CACNA2D3: variants seen among roughly 807,000 people sequenced by gnomAD.
CACNA2D3 encodes the protein voltage-dependent calcium channel subunit alpha-2/delta-3.
In CACNA2D3, 60 loss-of-function variants were observed where a neutral mutation model predicts 160.6. That is an observed-to-expected ratio of 0.37 (90% CI 0.30 to 0.46). The LOEUF (loss-of-function observed/expected upper bound fraction) is 0.46. Among genes scored for constraint, CACNA2D3 ranks in the 20% least tolerant of loss-of-function variants. CACNA2D3 has a pLI of 1.00. For missense variants in CACNA2D3, 1,205 were observed against 1,365.0 expected, an observed-to-expected ratio of 0.88 and a Z score of 1.85; for synonymous variants, 558 against 492.9, an observed-to-expected ratio of 1.13 and a Z score of -1.75.
chr3:54,173,297 T>C (rs1700610418), intron 2 of CACNA2D3, among the ~76,000 whole-genome samples: 1 of 152,200 alleles, frequency 6.6e-6, no homozygotes, highest in South Asian at 2.1e-4. Flanking sequence ...TGGGGAAAAA[T>C]TATATCATTC....
intron 14 of CACNA2D3, among the ~76,000 whole-genome samples, chr3:54,821,330 G>A (rs1338209147): frequency 6.6e-6 from 1 of 152,186 alleles, no homozygotes; most frequent in East Asian, 1.9e-4. Flanking sequence ...TAGCCCGACT[G>A]CGTGTTTTGT....
chr3:54,211,319 G>T (rs1283932972), intron 2 of CACNA2D3, among the ~76,000 whole-genome samples: 1 of 152,130 alleles, frequency 6.6e-6, no homozygotes, highest in Non-Finnish European at 1.5e-5. Context: ...AGGACATTGT[G>T]TGAATGGTTG....
chr3:54,255,775 T>G (rs1702280910), intron 2 of CACNA2D3, among the ~76,000 whole-genome samples: 1 of 152,218 alleles, frequency 6.6e-6, no homozygotes, highest in Non-Finnish European at 1.5e-5. Context: ...TAAGAGCCTC[T>G]TCTTTACCTC....
At chr3:54,184,727 T>A (rs895705437) in intron 2 of CACNA2D3, among the ~76,000 whole-genome samples, 14 of 152,220 alleles carry the variant, frequency 9.2e-5, no homozygotes, top group Admixed American at 4.6e-4. Flanking sequence ...CTCTTCTTGG[T>A]TTGCATTTCT....
intron 31 of CACNA2D3, among the ~76,000 whole-genome samples, chr3:54,993,885 A>T (rs370988855): frequency 4.5e-5 from 5 of 111,534 alleles, no homozygotes; most frequent in South Asian, 3.5e-4. Context: ...TGCAACTGCT[A>T]GTGTGTGTGT....
chr3:54,930,884 G>C (rs1308619776), intron 27 of CACNA2D3, among the ~76,000 whole-genome samples: 1 of 152,166 alleles, frequency 6.6e-6, no homozygotes, highest in Admixed American at 6.5e-5. Flanking sequence ...ATCAGTTGAG[G>C]ACAGGAGTTC....
At chr3:54,208,669 G>A (rs1223363678) in intron 2 of CACNA2D3, among the ~76,000 whole-genome samples, 3 of 152,114 alleles carry the variant, frequency 2.0e-5, no homozygotes, top group African/African-American at 7.2e-5. Context: ...GTTTTGGACA[G>A]GCACATCCAG....
At chr3:54,385,701 T>C (rs749691449) in intron 3 of CACNA2D3, among the ~76,000 whole-genome samples, 4 of 152,176 alleles carry the variant, frequency 2.6e-5, no homozygotes, top group Non-Finnish European at 5.9e-5. Flanking sequence ...CATGGGACAT[T>C]TGTCCATCAA....
chr3:54,246,767 A>G (rs1459805528), intron 2 of CACNA2D3, among the ~76,000 whole-genome samples: 2 of 152,126 alleles, frequency 1.3e-5, no homozygotes, highest in Non-Finnish European at 2.9e-5. Flanking sequence ...GCATCTCAGA[A>G]AGCAACTATC....
At chr3:54,124,361 A>G (rs1462757362) in intron 2 of CACNA2D3, among the ~76,000 whole-genome samples, 1 of 152,162 alleles carries the variant, frequency 6.6e-6, no homozygotes, top group Non-Finnish European at 1.5e-5. Context: ...TTCAGGAAAT[A>G]AAGAAAAAAA....
At chr3:54,490,486 GGA>G (rs1430028869) in intron 4 of CACNA2D3, among the ~76,000 whole-genome samples, 1 of 152,226 alleles carries the variant, frequency 6.6e-6, no homozygotes, top group Non-Finnish European at 1.5e-5. Flanking sequence ...AAATTGCCAG[GGA>G]GAGAGTGGGA....
chr3:55,071,177 C>G (rs543448068), intron 35 of CACNA2D3, among the ~76,000 whole-genome samples: 14 of 152,052 alleles, frequency 9.2e-5, no homozygotes, highest in African/African-American at 3.4e-4. Context: ...GAACCTGTTT[C>G]TTTTTTTGTT....
chr3:54,486,036 G>A (rs529336788), intron 4 of CACNA2D3, among the ~76,000 whole-genome samples: 7 of 152,204 alleles, frequency 4.6e-5, no homozygotes, highest in South Asian at 4.1e-4. Context: ...AGCCTATTCC[G>A]GGCTAGTCTC....
chr3:54,489,832 AT>A lies in CACNA2D3; in HGVS notation c.382-13652del, dbSNP rs201904603. Among the ~76,000 whole-genome samples the A allele has an allele frequency of 4.5e-3, 687 of 152,082 alleles. 2 individuals are homozygous for A. Among genetic ancestry groups the A allele is most frequent in the Non-Finnish European group, 6.8e-3 (464 of 67,980 alleles). ...GCTGGAAGAGGGCTATTCATTACCT[AT>A]TTTTTTTAAAGGAACTGTGACACTT... On this transcript the variant is annotated intron_variant, in intron 4 of 37. Coordinates refer to ENST00000474759, the MANE Select transcript of CACNA2D3 (RefSeq NM_018398.3).
rs1226438886 is a variant in CACNA2D3 at position 54,622,240 on chromosome 3, C to T, written c.964-5547C>T. Among the ~76,000 whole-genome samples, 60 of 152,194 alleles carry T rather than the reference C, an allele frequency of 3.9e-4. 1 individual carries two copies. ...CAGTTGGTAAATGGTATAACCAGCA[C>T]TGGAACTCAGTCTCCTGACCCCCAG... On this transcript the variant is annotated intron_variant, in intron 9 of 37. Coordinates refer to ENST00000474759, the MANE Select transcript of CACNA2D3 (RefSeq NM_018398.3).
intron 13 of CACNA2D3, among the ~76,000 whole-genome samples, chr3:54,804,079 T>G (rs549170672): frequency 6.6e-6 from 1 of 151,736 alleles, no homozygotes; most frequent in African/African-American, 2.4e-5. Flanking sequence ...AAGGAACAAC[T>G]GGTACCAGCC....
At chr3:54,203,723 G>A (rs922369318) in intron 2 of CACNA2D3, among the ~76,000 whole-genome samples, 3 of 152,066 alleles carry the variant, frequency 2.0e-5, no homozygotes, top group Admixed American at 1.3e-4. Context: ...CTGCCTGTGT[G>A]CTGGCATCTG....
intron 27 of CACNA2D3, among the ~76,000 whole-genome samples, chr3:54,945,533 G>A (rs1381109373): frequency 6.6e-6 from 1 of 152,180 alleles, no homozygotes; most frequent in African/African-American, 2.4e-5. Context: ...ACTTTGAGGA[G>A]GCCTGGACTT....
intron 29 of CACNA2D3, among the ~76,000 whole-genome samples, chr3:54,982,993 C>T (rs1702539567): frequency 6.6e-6 from 1 of 152,100 alleles, no homozygotes; most frequent in Non-Finnish European, 1.5e-5. Flanking sequence ...ACTTAGAATG[C>T]CTTAACTTTC....
Sources: gnomAD v4.1 joint callset for allele counts (sites outside exome capture counted in the v4.1 genomes callset) on GRCh38, gnomAD v4.1.1 for gene constraint, MANE v1.5 for transcripts, NCBI Gene and HGNC (gene_info 2026-07-23, HGNC 2026-07-21) for gene names.